The following SGMS2 variants were observed in gnomAD, a reference collection of about 807,000 sequenced individuals.
SGMS2 encodes phosphatidylcholine:ceramide cholinephosphotransferase 2.
In SGMS2, 21 loss-of-function variants were observed where a neutral mutation model predicts 43.8. That is an observed-to-expected ratio of 0.48 (90% CI 0.34 to 0.69). The LOEUF (loss-of-function observed/expected upper bound fraction) is 0.69, where lower values mean the gene tolerates loss of function less well. Ranked by LOEUF, SGMS2 falls within the 30% of genes least tolerant of loss-of-function variation. The pLI, the probability that SGMS2 is intolerant of heterozygous loss-of-function variation, is 0.01. For missense variants in SGMS2, 384 were observed against 443.2 expected (o/e 0.87, Z 1.20); for synonymous variants, 167 against 160.6 (o/e 1.04, Z -0.30).
At position 107,895,746 on chromosome 4, in the gene SGMS2, C is replaced by T. The variant is rs200178098; in HGVS notation, c.193C>T (p.Pro65Ser). The T allele has an allele frequency of 1.9e-6, 3 of 1,613,910 alleles. No homozygotes were observed. The highest frequency in any genetic ancestry group is 1.7e-5 in the Admixed American group (1 of 59,950). ...KYPDYIQIAM[P>S]TESRNKFPLE... The stretch of plus-strand genomic sequence containing the variant: ...CCCGGACTATATCCAAATTGCTATG[C>T]CCACTGAATCAAGGAACAAATTTCC... The change falls in exon 3 of 7, where the codon CCC becomes TCC. Residue 65 changes from proline to serine, a missense_variant. Physicochemically the swap from Pro to Ser is moderately conservative, Grantham distance 74. Transcript: ENST00000690982.
intron 2 of SGMS2, among the ~76,000 whole-genome samples, chr4:107,890,456 A>G (rs1208574622): frequency 2.6e-5 from 4 of 152,162 alleles, no homozygotes; most frequent in South Asian, 2.1e-4. Context: ...AGGTGGATCA[A>G]CTGAGGTCAG....
chr4:107,874,590 T>C (rs1223005932), intron 2 of SGMS2, among the ~76,000 whole-genome samples: 4 of 152,178 alleles, frequency 2.6e-5, no homozygotes, highest in African/African-American at 9.7e-5. Flanking sequence ...ATAAACCAAA[T>C]TTATTTCCAA....
intron 1 of SGMS2, among the ~76,000 whole-genome samples, chr4:107,825,563 T>C (rs1725533370): frequency 6.6e-6 from 1 of 151,600 alleles, no homozygotes; most frequent in African/African-American, 2.4e-5. Flanking sequence ...TGAAGTTCAG[T>C]TGGTGGAGGA....
intron 6 of SGMS2, 52 bp downstream of exon 6, chr4:107,908,783 C>T: frequency 6.5e-7 from 1 of 1,534,680 alleles, no homozygotes. Flanking sequence ...ATGCAGTGGA[C>T]CCTTTTCATG....
intron 1 of SGMS2, among the ~76,000 whole-genome samples, chr4:107,844,226 AG>A (rs1395926305): frequency 2.6e-5 from 4 of 152,048 alleles, no homozygotes; most frequent in Admixed American, 6.6e-5. Flanking sequence ...TGGGAGGCTG[AG>A]GCAGGAGAAT....
intron 1 of SGMS2, among the ~76,000 whole-genome samples, chr4:107,847,590 G>T (rs568617795): frequency 2.0e-5 from 3 of 152,136 alleles, no homozygotes; most frequent in African/African-American, 7.2e-5. Context: ...TTGACTTGGC[G>T]ATGCGGGCTG....
intron 2 of SGMS2, among the ~76,000 whole-genome samples, chr4:107,891,831 C>T (rs1308817526): frequency 6.6e-6 from 1 of 151,970 alleles, no homozygotes; most frequent in Non-Finnish European, 1.5e-5. Context: ...CACCATGTTG[C>T]CTGTTTCTTT....
At chr4:107,903,898 G>A (rs1731337134) in intron 5 of SGMS2, among the ~76,000 whole-genome samples, 2 of 152,094 alleles carry the variant, frequency 1.3e-5, no homozygotes, top group Non-Finnish European at 2.9e-5. Context: ...AGCACTTTCT[G>A]TGCTTTCATA....
chr4:107,908,680 T>C lies in SGMS2; in HGVS notation c.843T>C (p.Tyr281=). 1 of 1,614,046 alleles carries C rather than the reference T, an allele frequency of 6.2e-7. No homozygotes were observed. The highest frequency in any genetic ancestry group is 8.5e-7 in the Non-Finnish European group (1 of 1,179,914). ...ACACTATCGATGTGATCATTGCTTA[T>C]TATATCACAACACGACTGTTTTGGT... ...EHYTIDVIIA[Y]YITTRLFWWY... Residue 281 remains tyrosine, a synonymous_variant, in exon 6 of 7, where the codon TAT becomes TAC. Transcript: ENST00000690982.
At chr4:107,833,033 AG>A (rs1285919613) in intron 1 of SGMS2, among the ~76,000 whole-genome samples, 2 of 152,222 alleles carry the variant, frequency 1.3e-5, no homozygotes, top group African/African-American at 4.8e-5. Flanking sequence ...TTCTCAAAAA[AG>A]AAAAAAGACG....
intron 2 of SGMS2, among the ~76,000 whole-genome samples, chr4:107,865,990 A>T (rs1728085383): frequency 6.6e-6 from 1 of 152,198 alleles, no homozygotes; most frequent in South Asian, 2.1e-4. Flanking sequence ...ATAGCCCCTT[A>T]TTTGAGAATG....
At chr4:107,837,162 C>T (rs1275938426) in intron 1 of SGMS2, among the ~76,000 whole-genome samples, 1 of 152,074 alleles carries the variant, frequency 6.6e-6, no homozygotes, top group Non-Finnish European at 1.5e-5. Context: ...TCTGGGGATT[C>T]AGCAGTAAAC....
chr4:107,863,863 T>C (rs1220018356), intron 2 of SGMS2: 2 of 152,242 alleles, frequency 1.3e-5, no homozygotes, highest in Non-Finnish European at 2.9e-5. Flanking sequence ...GTGACTCATT[T>C]AGGAAAAGAA....
intron 1 of SGMS2, among the ~76,000 whole-genome samples, chr4:107,850,121 T>C (rs1245709735): frequency 1.3e-5 from 2 of 152,166 alleles, no homozygotes; most frequent in Non-Finnish European, 2.9e-5. Flanking sequence ...ATGGCATCTC[T>C]CCTCCCACTG....
chr4:107,890,462 G>A (rs987481331), intron 2 of SGMS2, among the ~76,000 whole-genome samples: 1 of 152,076 alleles, frequency 6.6e-6, no homozygotes, highest in African/African-American at 2.4e-5. Flanking sequence ...ATCAACTGAG[G>A]TCAGGAGTTC....
At chr4:107,866,015 C>T (rs1410870784) in intron 2 of SGMS2, among the ~76,000 whole-genome samples, 2 of 152,144 alleles carry the variant, frequency 1.3e-5, no homozygotes, top group Non-Finnish European at 2.9e-5. Flanking sequence ...AGGGGTAGGA[C>T]AGAAGAAACT....
At chr4:107,877,472 T>C (rs1489798875) in intron 2 of SGMS2, among the ~76,000 whole-genome samples, 1 of 152,172 alleles carries the variant, frequency 6.6e-6, no homozygotes, top group East Asian at 1.9e-4. Context: ...AGCAGATAAT[T>C]ATCACTGTTG....
At chr4:107,846,832 GT>G in intron 1 of SGMS2, among the ~76,000 whole-genome samples, 1 of 148,800 alleles carries the variant, frequency 6.7e-6, no homozygotes, top group African/African-American at 2.5e-5. Flanking sequence ...GTATCTCATT[GT>G]GGTTTTGATT....
At position 107,911,767 on chromosome 4, in the gene SGMS2, A is replaced by G. The variant is rs994021188; in HGVS notation, c.*1214A>G. ...AGTTACAGCTATACAGTGAAGGGGG[A>G]TAACTGTTTCTAAATTTCTTTAAGG... On this transcript the variant is annotated 3_prime_UTR_variant, in exon 7 of 7. Coordinates refer to ENST00000690982, the MANE Select transcript of SGMS2 (RefSeq NM_001375905.1). 1 of 151,754 alleles carries G rather than the reference A, an allele frequency of 6.6e-6. No homozygotes were observed. Among genetic ancestry groups the G allele is most frequent in the Non-Finnish European group, 1.5e-5 (1 of 67,824 alleles). 9.4% of individuals were successfully genotyped at this position (151,754 alleles called of 1,614,324 possible). A position where few individuals can be genotyped will look rare whatever the true frequency, so the allele number is the denominator to read the frequency against.
Sources: gnomAD v4.1 joint callset for allele counts (sites outside exome capture counted in the v4.1 genomes callset) on GRCh38, gnomAD v4.1.1 for gene constraint, MANE v1.5 for transcripts, NCBI Gene and HGNC (gene_info 2026-07-23, HGNC 2026-07-21) for gene names.